The following BRINP3 variants were observed in gnomAD, a reference collection of about 807,000 sequenced individuals.
BRINP3 encodes BMP/retinoic acid-inducible neural-specific protein 3.
A neutral mutation model predicts 71.0 loss-of-function variants in BRINP3; 19 were observed. That is an observed-to-expected ratio of 0.27 (90% CI 0.19 to 0.39). BRINP3 has a LOEUF of 0.39. Among genes scored for constraint, BRINP3 ranks in the 10% least tolerant of loss-of-function variants. The probability of loss-of-function intolerance (pLI) is 1.00; values close to 1 mark genes in which losing one functional copy is unlikely to be tolerated. For missense variants in BRINP3, 959 were observed against 940.8 expected (o/e 1.02, Z -0.25); for synonymous variants, 380 against 337.7 (o/e 1.13, Z -1.37).
chr1:190,385,913 G>T (rs1009841531), intron 2 of BRINP3, among the ~76,000 whole-genome samples: 1 of 146,746 alleles, frequency 6.8e-6, no homozygotes, highest in Admixed American at 6.9e-5. Flanking sequence ...AAAAAATGAT[G>T]AGTTCATGTC....
At chr1:190,287,999 T>A (rs1224821739) in intron 2 of BRINP3, among the ~76,000 whole-genome samples, 1 of 152,118 alleles carries the variant, frequency 6.6e-6, no homozygotes, top group Non-Finnish European at 1.5e-5. Flanking sequence ...TGATTAAGCT[T>A]GTTTAAATTA....
At chr1:190,141,574 TTTTTTG>T (rs1470017905) in intron 7 of BRINP3, among the ~76,000 whole-genome samples, 1 of 140,904 alleles carries the variant, frequency 7.1e-6, no homozygotes, top group African/African-American at 2.7e-5. Context: ...TTTTTTTTTT[TTTTTTG>T]AGACAGAGTC....
At chr1:190,159,436 T>G (rs1338323419) in intron 7 of BRINP3, among the ~76,000 whole-genome samples, 1 of 152,112 alleles carries the variant, frequency 6.6e-6, no homozygotes, top group Non-Finnish European at 1.5e-5. Flanking sequence ...AGAAGCATTA[T>G]TCATAATAGC....
chr1:190,098,965 A>G lies in BRINP3; in HGVS notation c.1354T>C (p.Cys452Arg). Residue 452 changes from cysteine to arginine, a missense_variant, in exon 8 of 8, where the codon TGC becomes CGC. By Grantham distance (180) the Cys-to-Arg change is radical. Coordinates refer to ENST00000367462, the MANE Select transcript of BRINP3 (RefSeq NM_199051.3). ...TVGDASACLTCAPDNRTRCGT... is the reference protein window; with the variant it reads ...TVGDASACLTRAPDNRTRCGT... ...CAGCGGGTGCGGTTGTCTGGTGCGC[A>G]TGTCAGGCAGGCAGAGGCGTCTCCC... 6.2e-7 allele frequency: 1 copy of G among 1,614,148 alleles called. No homozygotes were observed. Among genetic ancestry groups the G allele is most frequent in the Non-Finnish European group, 8.5e-7 (1 of 1,180,042 alleles).
In BRINP3 at chr1:190,272,128, C is replaced by T. The variant is rs891191753; in HGVS notation, c.428-7073G>A. Among the ~76,000 whole-genome samples the T allele has an allele frequency of 3.3e-5, 5 of 151,466 alleles. No individual in the cohort carries two copies. The Admixed American group carries it at 3.3e-4, about 10-fold the overall frequency. ...AAGTCTTTTTCAGTGTCCACATTTG[C>T]TTGTAAGTTACAGATTAATATGACT... On this transcript the variant is annotated intron_variant, in intron 3 of 7. Coordinates refer to ENST00000367462, the MANE Select transcript of BRINP3 (RefSeq NM_199051.3).
intron 2 of BRINP3, among the ~76,000 whole-genome samples, chr1:190,379,171 T>A (rs1163005838): frequency 6.6e-6 from 1 of 152,184 alleles, no homozygotes; most frequent in Admixed American, 6.5e-5. Context: ...AATTGGATTA[T>A]CTACCACCAG....
chr1:190,449,087 C>A (rs1257819583), intron 2 of BRINP3, among the ~76,000 whole-genome samples: 1 of 151,890 alleles, frequency 6.6e-6, no homozygotes. Context: ...CTTAATAGTT[C>A]TCTTTATTGT....
At chr1:190,304,588 G>A (rs1056514175) in intron 2 of BRINP3, among the ~76,000 whole-genome samples, 1 of 151,736 alleles carries the variant, frequency 6.6e-6, no homozygotes, top group African/African-American at 2.4e-5. Context: ...TATGAAATTA[G>A]ATATTTATCT....
intron 6 of BRINP3, among the ~76,000 whole-genome samples, chr1:190,190,850 T>C (rs1653974529): frequency 6.6e-6 from 1 of 152,160 alleles, no homozygotes; most frequent in Admixed American, 6.6e-5. Flanking sequence ...AAATATATTT[T>C]TTCTTTCCAC....
intron 2 of BRINP3, among the ~76,000 whole-genome samples, chr1:190,286,990 G>A (rs147719791): frequency 0.011 from 1,603 of 151,800 alleles, 24 homozygotes; most frequent in African/African-American, 0.035. Context: ...AGGCTGAGGC[G>A]GACGGATCAC....
intron 2 of BRINP3, among the ~76,000 whole-genome samples, chr1:190,306,691 G>A (rs1050972395): frequency 1.3e-5 from 2 of 151,484 alleles, no homozygotes; most frequent in African/African-American, 2.4e-5. Flanking sequence ...ATGTCCTAGA[G>A]CGCAACTATT....
intron 2 of BRINP3, among the ~76,000 whole-genome samples, chr1:190,399,038 TTA>T (rs1201538627): frequency 6.6e-6 from 1 of 152,036 alleles, no homozygotes; most frequent in East Asian, 1.9e-4. Flanking sequence ...GCTCCAGAGA[TTA>T]TGATTACTTT....
chr1:190,188,232 A>G (rs977423619), intron 6 of BRINP3, among the ~76,000 whole-genome samples: 1 of 152,104 alleles, frequency 6.6e-6, no homozygotes, highest in African/African-American at 2.4e-5. Context: ...CCTGCAACTT[A>G]ATCTTTTGTT....
intron 7 of BRINP3, among the ~76,000 whole-genome samples, chr1:190,121,399 A>G (rs1653642862): frequency 6.6e-6 from 1 of 152,206 alleles, no homozygotes; most frequent in African/African-American, 2.4e-5. Context: ...AATTAAGAAA[A>G]ACAGCACACA....
intron 3 of BRINP3, among the ~76,000 whole-genome samples, chr1:190,269,492 C>T (rs1289523895): frequency 6.6e-6 from 1 of 151,928 alleles, no homozygotes; most frequent in East Asian, 1.9e-4. Context: ...GGAATATTTA[C>T]AACTTATATA....
chr1:190,410,772 G>C (rs965198170), intron 2 of BRINP3, among the ~76,000 whole-genome samples: 2 of 151,998 alleles, frequency 1.3e-5, no homozygotes, highest in Admixed American at 6.6e-5. Flanking sequence ...AGTAGGGAGA[G>C]GACATTGAAT....
intron 2 of BRINP3, among the ~76,000 whole-genome samples, chr1:190,329,098 C>A (rs191580964): frequency 1.3e-5 from 2 of 151,924 alleles, no homozygotes; most frequent in Non-Finnish European, 2.9e-5. Context: ...AAACATTTCC[C>A]CTTGAAAATT....
rs1031742587 is a variant in BRINP3, at chr1:190,322,647, T to C, written c.237-40897A>G. 2.6e-5 allele frequency among the ~76,000 whole-genome samples: 4 copies of C among 152,052 alleles called. No homozygotes were observed. The East Asian group carries it at 7.7e-4, about 29-fold the overall frequency. ...GACCAGAAATGGTTTGACAAACCCTTGCCAAAGCCAACATGTCAATCTTCC... is the reference window on the plus strand; with the variant it reads ...GACCAGAAATGGTTTGACAAACCCTCGCCAAAGCCAACATGTCAATCTTCC... On this transcript the variant is annotated intron_variant, in intron 2 of 7. Coordinates refer to ENST00000367462, the MANE Select transcript of BRINP3 (RefSeq NM_199051.3).
At chr1:190,225,967 A>T (rs997044320) in intron 6 of BRINP3, 115 bp downstream of exon 6, 10 of 718,984 alleles carry the variant, frequency 1.4e-5, no homozygotes, top group Admixed American at 9.5e-5. Context: ...TTGAAAGAAT[A>T]AAAAAATGAA....
Sources: gnomAD v4.1 joint callset for allele counts (sites outside exome capture counted in the v4.1 genomes callset) on GRCh38, gnomAD v4.1.1 for gene constraint, MANE v1.5 for transcripts, NCBI Gene and HGNC (gene_info 2026-07-23, HGNC 2026-07-21) for gene names.